Variants in MEGF11 observed in about 807,000 individuals in gnomAD.
MEGF11 encodes multiple epidermal growth factor-like domains protein 11.
In MEGF11, 126 loss-of-function variants were observed where a neutral mutation model predicts 146.6. The ratio of observed to expected loss-of-function variants is 0.86; its 90% confidence interval spans 0.74 to 1.00. The LOEUF is 1.00. Among genes scored for constraint, MEGF11 ranks in the 50% least tolerant of loss-of-function variants. MEGF11 has a pLI of 0.00. For synonymous variants in MEGF11, 532 were observed against 583.4 expected (o/e 0.91, Z 1.27); for missense variants, 1,509 against 1,521.2 (o/e 0.99, Z 0.13).
intron 24 of MEGF11, among the ~76,000 whole-genome samples, chr15:65,901,113 C>G (rs2078485122): frequency 6.6e-6 from 1 of 152,144 alleles, no homozygotes; most frequent in Non-Finnish European, 1.5e-5. Flanking sequence ...GTGACCTGCC[C>G]AAACCACATA....
intron 5 of MEGF11, among the ~76,000 whole-genome samples, chr15:65,996,080 T>C (rs1295835034): frequency 6.6e-6 from 1 of 152,108 alleles, no homozygotes; most frequent in African/African-American, 2.4e-5. Flanking sequence ...GACACTGGGG[T>C]CCTAGTCCAG....
At chr15:66,110,088 G>C (rs1310512874) in intron 4 of MEGF11, among the ~76,000 whole-genome samples, 2 of 152,156 alleles carry the variant, frequency 1.3e-5, no homozygotes, top group Non-Finnish European at 2.9e-5. Flanking sequence ...CCACCGTGTG[G>C]CTCCCAAACA....
intron 1 of MEGF11, among the ~76,000 whole-genome samples, chr15:66,242,679 C>G (rs369690743): frequency 5.3e-5 from 8 of 152,248 alleles, no homozygotes; most frequent in Admixed American, 2.0e-4. Flanking sequence ...CTGCACCATT[C>G]CCCTCTGCCC....
At chr15:65,992,661 T>G (rs1290731104) in intron 5 of MEGF11, among the ~76,000 whole-genome samples, 2 of 78,518 alleles carry the variant, frequency 2.5e-5, no homozygotes, top group African/African-American at 9.9e-5. Context: ...TATCGGGGAC[T>G]TTTTTTTTTT....
intron 1 of MEGF11, among the ~76,000 whole-genome samples, chr15:66,167,015 C>G (rs2090114482): frequency 6.6e-6 from 1 of 152,140 alleles, no homozygotes; most frequent in Non-Finnish European, 1.5e-5. Flanking sequence ...GGTCATGGCC[C>G]TTGAGGTCAT....
At chr15:65,941,222 AC>A (rs1312537654) in intron 10 of MEGF11, among the ~76,000 whole-genome samples, 1 of 152,160 alleles carries the variant, frequency 6.6e-6, no homozygotes, top group African/African-American at 2.4e-5. Context: ...TTGAGACCAG[AC>A]TGGCTAACGT....
chr15:66,148,262 A>T (rs1019348323), intron 1 of MEGF11, among the ~76,000 whole-genome samples: 1 of 152,192 alleles, frequency 6.6e-6, no homozygotes. Context: ...GGAAAAAAAA[A>T]CATTTAAAAG....
At chr15:66,195,088 A>G (rs2090977145) in intron 1 of MEGF11, among the ~76,000 whole-genome samples, 1 of 151,872 alleles carries the variant, frequency 6.6e-6, no homozygotes, top group Non-Finnish European at 1.5e-5. Flanking sequence ...CAGGGTGCCT[A>G]TGGGACTGGT....
At chr15:65,971,713 C>T (rs918322694) in intron 7 of MEGF11, among the ~76,000 whole-genome samples, 6 of 152,186 alleles carry the variant, frequency 3.9e-5, no homozygotes, top group African/African-American at 1.4e-4. Flanking sequence ...TGACATCTCC[C>T]TCCACCCCCA....
chr15:65,913,185 G>A (rs1422044065), intron 20 of MEGF11, among the ~76,000 whole-genome samples: 2 of 152,176 alleles, frequency 1.3e-5, no homozygotes, highest in African/African-American at 4.8e-5. Flanking sequence ...CACATTCATG[G>A]ATGCACTGGG....
chr15:66,174,515 G>A (rs1215538001), intron 1 of MEGF11, among the ~76,000 whole-genome samples: 2 of 152,110 alleles, frequency 1.3e-5, no homozygotes, highest in African/African-American at 4.8e-5. Context: ...AACATGTGGG[G>A]TTGGTTGGAT....
At chr15:66,241,360 G>T (rs2092204396) in intron 1 of MEGF11, among the ~76,000 whole-genome samples, 1 of 152,190 alleles carries the variant, frequency 6.6e-6, no homozygotes, top group African/African-American at 2.4e-5. Context: ...GGACCAGAAA[G>T]AATAAAACAG....
intron 4 of MEGF11, among the ~76,000 whole-genome samples, chr15:66,103,074 C>T (rs2086893536): frequency 6.6e-6 from 1 of 152,190 alleles, no homozygotes; most frequent in Non-Finnish European, 1.5e-5. Context: ...TTCCCCAGAC[C>T]AAGTTCCATC....
At chr15:66,073,183 C>T (rs962886896) in intron 5 of MEGF11, among the ~76,000 whole-genome samples, 16 of 152,244 alleles carry the variant, frequency 1.1e-4, no homozygotes, top group African/African-American at 3.6e-4. Context: ...AATGGCGAGG[C>T]CTCTGGTGTG....
At chr15:65,977,646 T>G (rs1244723226) in intron 7 of MEGF11, among the ~76,000 whole-genome samples, 6 of 151,782 alleles carry the variant, frequency 4.0e-5, no homozygotes, top group Non-Finnish European at 8.8e-5. Context: ...GTCTGGCTGA[T>G]TTTTTGTATT....
At chr15:66,157,921 C>T (rs1002238854) in intron 1 of MEGF11, among the ~76,000 whole-genome samples, 1 of 152,108 alleles carries the variant, frequency 6.6e-6, no homozygotes, top group Non-Finnish European at 1.5e-5. Context: ...GTTGAATATA[C>T]GTGCCAACCT....
chr15:66,229,206 A>T (rs150387778), intron 1 of MEGF11, among the ~76,000 whole-genome samples: 58 of 152,216 alleles, frequency 3.8e-4, no homozygotes, highest in Middle Eastern at 6.8e-3. Flanking sequence ...AACAAAGTCA[A>T]GCAGAAACAA....
At chr15:65,989,022 T>G (rs2081953982) in intron 5 of MEGF11, among the ~76,000 whole-genome samples, 1 of 152,150 alleles carries the variant, frequency 6.6e-6, no homozygotes, top group African/African-American at 2.4e-5. Context: ...TGGGGCAGTT[T>G]TAAGAAACAC....
chr15:65,984,526 A>G (rs2081779050), intron 5 of MEGF11, among the ~76,000 whole-genome samples: 1 of 19,448 alleles, frequency 5.1e-5, no homozygotes, highest in South Asian at 1.1e-3. Context: ...ACTCCGTGTC[A>G]AAAAAAAAAA....
Sources: gnomAD v4.1 joint callset for allele counts (sites outside exome capture counted in the v4.1 genomes callset) on GRCh38, gnomAD v4.1.1 for gene constraint, MANE v1.5 for transcripts, NCBI Gene and HGNC (gene_info 2026-07-23, HGNC 2026-07-21) for gene names.